NOC3L: variants seen among roughly 807,000 people sequenced by gnomAD.
NOC3L encodes the protein nucleolar complex protein 3 homolog.
In NOC3L, 85 loss-of-function variants were observed where a neutral mutation model predicts 102.5. The observed-to-expected ratio is 0.83, with a 90% CI of 0.70 to 0.99. The LOEUF is 0.99. Among genes scored for constraint, NOC3L ranks in the 50% least tolerant of loss-of-function variants. The pLI, the probability that NOC3L is intolerant of heterozygous loss-of-function variation, is 0.00. For missense variants in NOC3L, 878 were observed against 914.9 expected (o/e 0.96, Z 0.52); for synonymous variants, 303 against 309.4 (o/e 0.98, Z 0.22).
intron 3 of NOC3L, 80 bp from the exon 4 acceptor site, chr10:94,357,411 G>A (rs2054501825): frequency 7.8e-7 from 1 of 1,286,058 alleles, no homozygotes; most frequent in Middle Eastern, 2.6e-4. Context: ...CAAAAGTACA[G>A]AAAAACCACC....
chr10:94,348,285 GT>G (rs1267521917), intron 10 of NOC3L, among the ~76,000 whole-genome samples: 1 of 151,388 alleles, frequency 6.6e-6, no homozygotes, highest in Non-Finnish European at 1.5e-5. Context: ...GAGAGACTCC[GT>G]AAATTGGGAT....
At chr10:94,335,772 C>A (rs888690703) in intron 19 of NOC3L, among the ~76,000 whole-genome samples, 3 of 152,100 alleles carry the variant, frequency 2.0e-5, no homozygotes, top group Non-Finnish European at 4.4e-5. Flanking sequence ...GAAAAATCGG[C>A]CTGGCCCACA....
the NOC3L span, chr10:94,325,181 T>C: frequency 8.6e-6 from 9 of 1,052,236 alleles, no homozygotes; most frequent in Non-Finnish European, 1.5e-6. Flanking sequence ...ATTAGTACAA[T>C]GTCTTTTATC....
intron 11 of NOC3L, 66 bp downstream of exon 11, chr10:94,346,359 A>G (rs905977052): frequency 2.8e-5 from 34 of 1,228,206 alleles, no homozygotes; most frequent in Middle Eastern, 2.0e-4. Context: ...ACATGTGCCT[A>G]TAAGTTTAAT....
chr10:94,357,343 A>G lies in NOC3L; in HGVS notation c.351-12T>C, dbSNP rs549637434. ...CATGAACAGGCTCACTGCAGGGGAA[A>G]AAAAGATCAATTTTCAGTCTTAATA... On this transcript the variant is annotated splice_polypyrimidine_tract_variant and intron_variant, in intron 3 of 20. Coordinates refer to ENST00000371361, the MANE Select transcript of NOC3L (RefSeq NM_022451.11). 69 of 1,552,776 alleles carry G rather than the reference A, an allele frequency of 4.4e-5. 1 individual carries two copies. The South Asian group carries it at 8.5e-4, about 19-fold the overall frequency.
chr10:94,332,019 G>A (rs1397526790), downstream of NOC3L: 1 of 151,900 alleles, frequency 6.6e-6, no homozygotes, highest in East Asian at 1.9e-4. Context: ...CTACAGGTGT[G>A]CGCCATGTCC....
intron 19 of NOC3L, among the ~76,000 whole-genome samples, chr10:94,336,941 T>G (rs1467686019): frequency 6.6e-6 from 1 of 151,070 alleles, no homozygotes; most frequent in African/African-American, 2.4e-5. Flanking sequence ...TGGTGGCGGG[T>G]GCCTGTAATC....
rs767209635 is a variant in NOC3L at position 94,344,817 on chromosome 10, C to T, written c.1470+36G>A. Reference sequence around the variant, plus strand: ...AATTTCTAGTTTAAACAACTTAACGCATTTTAAAAGCATAACAGAATATGA... The same window carrying T: ...AATTTCTAGTTTAAACAACTTAACGTATTTTAAAAGCATAACAGAATATGA... On this transcript the variant is annotated intron_variant, in intron 12 of 20. Coordinates refer to ENST00000371361, the MANE Select transcript of NOC3L (RefSeq NM_022451.11). The T allele has an allele frequency of 2.7e-6, 4 of 1,460,344 alleles. No homozygotes were observed. In the East Asian group the frequency reaches 9.1e-5, roughly 33 times the overall value. The allele number at this position is 1,460,344 out of a possible 1,614,324, so 90.5% of individuals were successfully genotyped here.
intron 10 of NOC3L, among the ~76,000 whole-genome samples, chr10:94,347,827 C>T (rs1411364598): frequency 6.6e-6 from 1 of 151,890 alleles, no homozygotes; most frequent in East Asian, 1.9e-4. Flanking sequence ...TTTAATTCAT[C>T]CAAACTAATC....
the NOC3L span, chr10:94,324,198 T>C: frequency 1.3e-6 from 1 of 743,982 alleles, no homozygotes; most frequent in Non-Finnish European, 2.4e-6. Flanking sequence ...GCTACAACTA[T>C]ACAACTGCAA....
At chr10:94,321,704 A>C in the NOC3L span, among the ~76,000 whole-genome samples, 22 of 152,128 alleles carry the variant, frequency 1.4e-4, no homozygotes, top group Admixed American at 3.9e-4. Context: ...ACATCATCAG[A>C]AGCACAGTAG....
At chr10:94,337,904 G>A in intron 18 of NOC3L, 30 bp from the exon 19 acceptor site, 1 of 1,484,672 alleles carries the variant, frequency 6.7e-7, no homozygotes, top group Non-Finnish European at 9.4e-7. Context: ...ATCACATTCT[G>A]CACAGGTCAG....
chr10:94,350,551 T>TA (rs879587001), intron 8 of NOC3L, among the ~76,000 whole-genome samples: 272 of 138,280 alleles, frequency 2.0e-3, no homozygotes, highest in Middle Eastern at 7.5e-3. Flanking sequence ...TCTACTAACA[T>TA]AAAAAAAAAA....
the NOC3L span, chr10:94,321,985 G>C: frequency 6.2e-7 from 1 of 1,614,002 alleles, no homozygotes; most frequent in Non-Finnish European, 8.5e-7. Context: ...CCAAGTGCAT[G>C]ATGTTTCTCC....
chr10:94,357,251 G>A lies in NOC3L; in HGVS notation c.431C>T (p.Ala144Val). 6.2e-7 allele frequency: 1 copy of A among 1,609,254 alleles called. No individual in the cohort carries two copies. The highest frequency in any genetic ancestry group is 1.1e-5 in the South Asian group (1 of 90,104). Reference protein sequence around the residue: ...YEKIPRTLQTAPEKELIHLLP... With the variant: ...YEKIPRTLQTVPEKELIHLLP... ...TAAATGAATCAGTTCCTTCTCTGGTGCAGTTTGCAGAGTTCTTGGTATTTT... is the reference window on the plus strand; with the variant it reads ...TAAATGAATCAGTTCCTTCTCTGGTACAGTTTGCAGAGTTCTTGGTATTTT... Residue 144 changes from alanine (A) to valine (V), a missense_variant, in exon 4 of 21, where the codon GCA becomes GTA. Ala to Val is a moderately conservative substitution (Grantham distance 64, BLOSUM62 0). Transcript: ENST00000371361.
chr10:94,327,974 A>ATCTT, the NOC3L span: 2 of 532,744 alleles, frequency 3.8e-6, no homozygotes, highest in East Asian at 5.4e-5. Flanking sequence ...ACAGGTGAAG[A>ATCTT]TCTTTAAGCA....
intron 19 of NOC3L, among the ~76,000 whole-genome samples, chr10:94,337,375 C>T (rs1218545937): frequency 2.0e-5 from 3 of 150,760 alleles, no homozygotes; most frequent in African/African-American, 7.3e-5. Context: ...AAAAAAAGAC[C>T]GAGCGAGCGA....
the NOC3L span, chr10:94,324,450 G>A: frequency 6.2e-7 from 1 of 1,614,162 alleles, no homozygotes; most frequent in Non-Finnish European, 8.5e-7. Context: ...CCAACAAGAA[G>A]ACTACCACAC....
chr10:94,327,243 A>G, the NOC3L span, among the ~76,000 whole-genome samples: 23 of 152,050 alleles, frequency 1.5e-4, no homozygotes, highest in Admixed American at 5.9e-4. Context: ...CTCCTTTACA[A>G]TGGTCTTTTC....
Sources: allele counts gnomAD v4.1 joint callset (sites outside exome capture counted in the v4.1 genomes callset), GRCh38; gene constraint gnomAD v4.1.1; transcripts MANE v1.5; gene names NCBI Gene and HGNC (gene_info 2026-07-23, HGNC 2026-07-21).